The following ADA2 variants were observed in gnomAD, a reference collection of about 807,000 sequenced individuals.
ADA2 encodes the protein adenosine deaminase CECR1.
In ADA2, 29 loss-of-function variants were observed where a neutral mutation model predicts 44.2. That is an observed-to-expected ratio of 0.66 (90% CI 0.49 to 0.89). The LOEUF is 0.89. Ranked by LOEUF, ADA2 falls within the 40% of genes least tolerant of loss-of-function variation. The pLI is 0.00. For synonymous variants in ADA2, 215 were observed against 234.9 expected (o/e 0.92, Z 0.77); for missense variants, 637 against 644.8 (o/e 0.99, Z 0.13).
At chr22:17,216,211 A>T (rs1568992991) in intron 1 of ADA2, among the ~76,000 whole-genome samples, 2 of 151,912 alleles carry the variant, frequency 1.3e-5, no homozygotes, top group Non-Finnish European at 2.9e-5. Context: ...ATATAATAAT[A>T]AAAATTATCC....
intron 3 of ADA2, among the ~76,000 whole-genome samples, chr22:17,206,688 G>A (rs912529929): frequency 1.9e-4 from 29 of 152,000 alleles, no homozygotes; most frequent in Non-Finnish European, 5.9e-5. Flanking sequence ...CACTCAGGCT[G>A]GAGTACAGTG....
chr22:17,219,082 G>A (rs1271720453), intron 1 of ADA2, among the ~76,000 whole-genome samples: 5 of 152,216 alleles, frequency 3.3e-5, no homozygotes, highest in Non-Finnish European at 7.3e-5. Context: ...GCTTGAACTC[G>A]AGAGGCAGAA....
intron 9 of ADA2, 49 bp downstream of exon 9, chr22:17,181,771 C>T: frequency 6.6e-7 from 1 of 1,515,504 alleles, no homozygotes; most frequent in East Asian, 2.2e-5. Context: ...CAAACACAAG[C>T]TGCGGGCTGG....
At chr22:17,214,467 C>T (rs1213860090) in intron 1 of ADA2, among the ~76,000 whole-genome samples, 2 of 152,192 alleles carry the variant, frequency 1.3e-5, no homozygotes, top group African/African-American at 4.8e-5. Context: ...ATGTTTTTAT[C>T]CCCGAGTTGC....
intron 4 of ADA2, chr22:17,199,510 C>T: frequency 6.4e-7 from 1 of 1,564,842 alleles, no homozygotes; most frequent in Non-Finnish European, 8.7e-7. Context: ...CACACCAAGA[C>T]AGTTGTCAGG....
chr22:17,180,528 G>A lies in ADA2; in HGVS notation c.*955C>T, dbSNP rs1396716205. On this transcript the variant is annotated 3_prime_UTR_variant, in exon 10 of 10. Transcript: ENST00000399837. The stretch of plus-strand genomic sequence containing the variant: ...GGAAAGGTTTAAAGGGCTGAGTGTG[G>A]TGGCTCATGTCAGTAATCCCAGCAC... 6.6e-6 allele frequency: 1 copy of A among 152,282 alleles called. No individual in the cohort carries two copies. The highest frequency in any genetic ancestry group is 2.4e-5 in the African/African-American group (1 of 41,454). The allele number at this position is 152,282 out of a possible 1,614,324, so 9.4% of individuals were successfully genotyped here.
At position 17,181,554 on chromosome 22, in the gene ADA2, CACTCTCCAACAGGGTACTGT is replaced by C; in HGVS notation, c.1445_1464del (p.Tyr482Ter). On this transcript the variant is annotated frameshift_variant and splice_region_variant, in exon 10 of 10. Coordinates refer to ENST00000399837, the MANE Select transcript of ADA2 (RefSeq NM_001282225.2). LOFTEE classifies it low-confidence loss of function (END_TRUNC). Reference sequence around the variant, plus strand: ...CAGATTTCCATGAAAGTATTTTTCTCACTCTCCAACAGGGTACTGTACCTGCAGGAAGAGGAGGAGCCCAG... The same window carrying C: ...CAGATTTCCATGAAAGTATTTTTCTCACCTGCAGGAAGAGGAGGAGCCCAG... 6.2e-7 allele frequency: 1 copy of C among 1,612,518 alleles called. No individual in the cohort carries two copies. Among genetic ancestry groups the C allele is most frequent in the South Asian group, 1.1e-5 (1 of 91,012 alleles).
intron 4 of ADA2, among the ~76,000 whole-genome samples, chr22:17,193,622 C>T (rs1225530366): frequency 1.2e-4 from 18 of 148,474 alleles, no homozygotes; most frequent in Non-Finnish European, 2.5e-4. Flanking sequence ...GAGCCAAGAT[C>T]GCGCCATTGC....
At chr22:17,193,913 G>A (rs1308873483) in intron 4 of ADA2, among the ~76,000 whole-genome samples, 8 of 150,194 alleles carry the variant, frequency 5.3e-5, no homozygotes, top group African/African-American at 1.2e-4. Flanking sequence ...AAGAGCTCAC[G>A]CCTGTAATCC....
At chr22:17,188,310 C>T in intron 7 of ADA2, 29 bp downstream of exon 7, 2 of 1,553,592 alleles carry the variant, frequency 1.3e-6, no homozygotes, top group Non-Finnish European at 1.8e-6. Context: ...ACCACCTCCG[C>T]TGCCTCTGCT....
chr22:17,189,259 C>T (rs1166289028), intron 6 of ADA2, among the ~76,000 whole-genome samples: 1 of 152,042 alleles, frequency 6.6e-6, no homozygotes, highest in African/African-American at 2.4e-5. Flanking sequence ...TCAGGTGATC[C>T]ACCTGTCTCG....
chr22:17,195,619 A>G (rs1851930494), intron 4 of ADA2, among the ~76,000 whole-genome samples: 1 of 152,012 alleles, frequency 6.6e-6, no homozygotes, highest in East Asian at 1.9e-4. Flanking sequence ...GTGGTGGTGC[A>G]ATCTTGGTTC....
At chr22:17,192,893 C>CT (rs748939442) in intron 4 of ADA2, 9 of 520,144 alleles carry the variant, frequency 1.7e-5, no homozygotes, top group Non-Finnish European at 3.2e-5. Flanking sequence ...CAGCCATCTC[C>CT]TCTTTGGCAT....
Position 17,188,871 on chromosome 22 carries a change from A to AAAAAAAAAAAG in ADA2, c.973-425_973-424insCTTTTTTTTTT, listed in dbSNP as rs1568972754. The AAAAAAAAAAAG allele has an allele frequency of 4.0e-4, 53 of 133,602 alleles. 2 individuals carry two copies. Among genetic ancestry groups the AAAAAAAAAAAG allele is most frequent in the African/African-American group, 1.4e-3 (51 of 37,686 alleles). 8.3% of individuals were successfully genotyped at this position (133,602 alleles called of 1,614,324 possible). Reference sequence around the variant, plus strand: ...TACAGCCTGGCCAAGAGCAAAAAATATATATATATATATATTTTGTAAAGA... The same window carrying AAAAAAAAAAAG: ...TACAGCCTGGCCAAGAGCAAAAAATAAAAAAAAAAAGTATATATATATATATTTTGTAAAGA... On this transcript the variant is annotated intron_variant, in intron 6 of 9. Transcript: ENST00000399837.
intron 4 of ADA2, chr22:17,198,793 G>C (rs1446727340): frequency 6.6e-6 from 1 of 152,352 alleles, no homozygotes; most frequent in African/African-American, 2.4e-5. Flanking sequence ...CTCTGCCGTG[G>C]GGGAAGGGGC....
At chr22:17,211,492 G>A (rs1034025074) in intron 1 of ADA2, among the ~76,000 whole-genome samples, 7 of 152,186 alleles carry the variant, frequency 4.6e-5, no homozygotes, top group Non-Finnish European at 1.0e-4. Context: ...AATTAGCTGG[G>A]CGTGGTTGTG....
intron 7 of ADA2, among the ~76,000 whole-genome samples, chr22:17,184,987 T>TATATATATATATATATATATATATAG (rs2062019430): frequency 8.0e-6 from 1 of 124,524 alleles, no homozygotes; most frequent in African/African-American, 3.3e-5. Flanking sequence ...TGTCAAAATA[T>TATATATATATATATATATATATATAG]ATATATATAT....
In ADA2 at chr22:17,203,673, A is replaced by G; in HGVS notation, c.643T>C (p.Ser215Pro). Reference protein sequence around the residue: ...SKFETIFFTISGLIHYAPVFR... With the variant: ...SKFETIFFTIPGLIHYAPVFR... Reference sequence around the variant, plus strand: ...ACTGGTGCGTAATGGATGAGACCAGAGATGGTGAAGAAGATGGTTTCAAAT... The same window carrying G: ...ACTGGTGCGTAATGGATGAGACCAGGGATGGTGAAGAAGATGGTTTCAAAT... The change falls in exon 4 of 10, where the codon TCT becomes CCT. Residue 215 changes from serine to proline, a missense_variant. Transcript: ENST00000399837. The G allele has an allele frequency of 6.2e-7, 1 of 1,613,992 alleles. No individual in the cohort carries two copies. The highest frequency in any genetic ancestry group is 8.5e-7 in the Non-Finnish European group (1 of 1,179,836).
In ADA2 at chr22:17,191,672, TTC is replaced by T. The variant is rs2062116511; in HGVS notation, c.881+9_881+10del. 2.5e-6 allele frequency: 4 copies of T among 1,606,252 alleles called. No individual in the cohort carries two copies. In the East Asian group the frequency reaches 9.0e-5, roughly 36 times the overall value. ...TCCCAACCCGAGCTTTTCAGCAATA[TTC>T]TCTCTCACCTGTGATCCGAATAAAT... On this transcript the variant is annotated intron_variant, in intron 5 of 9. Transcript: ENST00000399837.
Sources: gnomAD v4.1 joint callset for allele counts (sites outside exome capture counted in the v4.1 genomes callset) on GRCh38, gnomAD v4.1.1 for gene constraint, MANE v1.5 for transcripts, NCBI Gene and HGNC (gene_info 2026-07-23, HGNC 2026-07-21) for gene names.